Variants in ST8SIA5 observed in about 807,000 individuals in gnomAD.
ST8SIA5 encodes the protein alpha-2,8-sialyltransferase 8E.
ST8SIA5 carries 24 observed loss-of-function variants against 40.2 expected under a neutral mutation model. The observed-to-expected ratio is 0.60, with a 90% CI of 0.43 to 0.84. ST8SIA5 has a LOEUF of 0.84. Among genes scored for constraint, ST8SIA5 ranks in the 40% least tolerant of loss-of-function variants. ST8SIA5 has a pLI of 0.00. For missense variants in ST8SIA5, 465 were observed against 498.5 expected (o/e 0.93, Z 0.64); for synonymous variants, 198 against 201.8 (o/e 0.98, Z 0.16).
intron 1 of ST8SIA5, among the ~76,000 whole-genome samples, chr18:46,711,933 C>A (rs909153887): frequency 1.3e-5 from 2 of 152,160 alleles, no homozygotes; most frequent in Non-Finnish European, 2.9e-5. Flanking sequence ...TGCTAAAAAG[C>A]CTGATGTTCT....
At chr18:46,722,748 C>T (rs2039875887) in intron 1 of ST8SIA5, among the ~76,000 whole-genome samples, 1 of 152,200 alleles carries the variant, frequency 6.6e-6, no homozygotes, top group South Asian at 2.1e-4. Context: ...AAAAATGTCT[C>T]CAGACATTGC....
At chr18:46,697,047 CA>C (rs1388793381) in intron 2 of ST8SIA5, among the ~76,000 whole-genome samples, 4 of 147,330 alleles carry the variant, frequency 2.7e-5, no homozygotes, top group Non-Finnish European at 1.5e-5. Context: ...CCTACCCCAC[CA>C]AAAACCATGG....
At chr18:46,704,532 C>A in intron 2 of ST8SIA5, 40 bp downstream of exon 2, 30 of 1,555,598 alleles carry the variant, frequency 1.9e-5, no homozygotes, top group Non-Finnish European at 2.4e-5. Flanking sequence ...TGCCCCACCT[C>A]CACATGCTCC....
chr18:46,728,293 G>C (rs1272753892), intron 1 of ST8SIA5, among the ~76,000 whole-genome samples: 2 of 152,118 alleles, frequency 1.3e-5, no homozygotes. Context: ...CAAAGTTACA[G>C]AATTTCTGGC....
rs866915531 is a variant in ST8SIA5 at position 46,674,502 on chromosome 18, C to G, written c.*5540G>C. The G allele has an allele frequency of 6.6e-6, 1 of 152,200 alleles. No homozygotes were observed. The highest frequency in any genetic ancestry group is 6.5e-5 in the Admixed American group (1 of 15,278). The allele number at this position is 152,200 out of a possible 1,614,324, so 9.4% of individuals were successfully genotyped here. ...CCCAAGGTGTTACTCAGTTTATTAG[C>G]GGGGTATCCTGAACTGCTGGAGTCC... is the stretch of plus-strand genomic sequence containing the variant. On this transcript the variant is annotated 3_prime_UTR_variant, in exon 7 of 7. Transcript: ENST00000315087.
intron 2 of ST8SIA5, among the ~76,000 whole-genome samples, chr18:46,699,048 T>C (rs2039584989): frequency 1.3e-5 from 2 of 152,174 alleles, no homozygotes; most frequent in South Asian, 4.1e-4. Flanking sequence ...AGAGTTAATC[T>C]CTAGAAAAAG....
At chr18:46,685,363 C>T (rs545449150) in intron 5 of ST8SIA5, among the ~76,000 whole-genome samples, 1 of 152,284 alleles carries the variant, frequency 6.6e-6, no homozygotes, top group African/African-American at 2.4e-5. Context: ...CTCGACTAGG[C>T]GTCCACAGGG....
intron 1 of ST8SIA5, among the ~76,000 whole-genome samples, chr18:46,743,992 T>C (rs1022866337): frequency 1.3e-5 from 2 of 152,170 alleles, no homozygotes; most frequent in African/African-American, 4.8e-5. Context: ...AGAAATAAAA[T>C]CTTTTACAGA....
chr18:46,671,190 G>A lies in ST8SIA5; in HGVS notation c.*8852C>T, dbSNP rs897266900. The A allele has an allele frequency of 1.1e-4, 16 of 152,104 alleles. No individual in the cohort carries two copies. Among genetic ancestry groups the A allele is most frequent in the Admixed American group, 4.6e-4 (7 of 15,274 alleles). 9.4% of individuals were successfully genotyped at this position (152,104 alleles called of 1,614,324 possible). A position where few individuals can be genotyped will look rare whatever the true frequency, so the allele number is the denominator to read the frequency against. ...TCCAGAGGCTCTTGTCAACTTTGTC[G>A]CTGAATGTGGAATTCTGAGCTCTCA... On this transcript the variant is annotated 3_prime_UTR_variant, in exon 7 of 7. Transcript: ENST00000315087.
Position 46,725,972 on chromosome 18 carries a change from A to AAATATAT in ST8SIA5, c.132-21309_132-21308insATATATT, listed in dbSNP as rs59660372. On this transcript the variant is annotated intron_variant, in intron 1 of 6. Transcript: ENST00000315087. ...CCCATCTCTACTTAAAAAAAAAAAA[A>AAATATAT]ATATATATATATATATATATATATA... Among the ~76,000 whole-genome samples, 44 of 29,052 alleles carry AAATATAT rather than the reference A, an allele frequency of 1.5e-3. 1 individual carries two copies. Among genetic ancestry groups the AAATATAT allele is most frequent in the East Asian group, 7.5e-3 (7 of 934 alleles). The allele number at this position is 29,052 out of a possible 152,430, so 19.1% of individuals were successfully genotyped here. A position where few individuals can be genotyped will look rare whatever the true frequency, so the allele number is the denominator to read the frequency against.
intron 1 of ST8SIA5, among the ~76,000 whole-genome samples, chr18:46,733,856 A>G (rs2040008554): frequency 6.6e-6 from 1 of 152,138 alleles, no homozygotes; most frequent in Admixed American, 6.5e-5. Flanking sequence ...CATGGAAGAA[A>G]GGAACACTGC....
intron 1 of ST8SIA5, among the ~76,000 whole-genome samples, chr18:46,726,740 A>C (rs1002897978): frequency 2.8e-4 from 42 of 152,060 alleles, no homozygotes; most frequent in African/African-American, 9.2e-4. Flanking sequence ...AAGATGGTGG[A>C]TCCCCATCTC....
chr18:46,680,388 T>C lies in ST8SIA5; in HGVS notation c.785A>G (p.Lys262Arg), dbSNP rs142874304. The C allele has an allele frequency of 6.2e-6, 10 of 1,613,878 alleles. No homozygotes were observed. The highest frequency in any genetic ancestry group is 7.6e-6 in the Non-Finnish European group (9 of 1,179,936). Residue 262 changes from lysine to arginine, a missense_variant, in exon 7 of 7, where the codon AAG becomes AGG. Transcript: ENST00000315087. ...TRNTDVSIRVKYVLDDFESPQ... is the reference protein window; with the variant it reads ...TRNTDVSIRVRYVLDDFESPQ... Reference sequence around the variant, plus strand: ...CGATTCGAAGTCGTCCAGCACGTACTTGACGCGGATGGACACGTCGGTGTT... The same window carrying C: ...CGATTCGAAGTCGTCCAGCACGTACCTGACGCGGATGGACACGTCGGTGTT...
chr18:46,681,905 C>T lies in ST8SIA5; in HGVS notation c.662+67G>A, dbSNP rs948726588. ...TCCAGACTAACAACACTTCCAGTGC[C>T]CAGTAGCCGCATGTGACTATTGGCT... On this transcript the variant is annotated intron_variant, in intron 6 of 6. Transcript: ENST00000315087. 5 of 1,519,762 alleles carry T rather than the reference C, an allele frequency of 3.3e-6. No individual in the cohort carries two copies. In the African/African-American group the frequency reaches 5.5e-5, roughly 17 times the overall value. The allele number at this position is 1,519,762 out of a possible 1,614,324, so 94.1% of individuals were successfully genotyped here.
At chr18:46,755,956 G>C (rs867389898) in intron 1 of ST8SIA5, among the ~76,000 whole-genome samples, 4 of 151,052 alleles carry the variant, frequency 2.6e-5, no homozygotes, top group Admixed American at 6.6e-5. Flanking sequence ...TTCAGGACTC[G>C]CGAGGTTATA....
chr18:46,737,894 C>G (rs1040170076), intron 1 of ST8SIA5, among the ~76,000 whole-genome samples: 6 of 152,066 alleles, frequency 3.9e-5, no homozygotes, highest in African/African-American at 1.4e-4. Flanking sequence ...CCTCAGCCTC[C>G]TGAGGAGCTG....
rs1384376638 is a variant in ST8SIA5 at position 46,680,237 on chromosome 18, G to A, written c.936C>T (p.Leu312=). 1 of 1,614,118 alleles carries A rather than the reference G, an allele frequency of 6.2e-7. No homozygotes were observed. Among genetic ancestry groups the A allele is most frequent in the East Asian group, 2.2e-5 (1 of 44,902 alleles). Residue 312 remains leucine, a synonymous_variant, in exon 7 of 7, where the codon CTC becomes CTT. Transcript: ENST00000315087. ...GLILVTAALE[L]CEEVHLFGFW... is the part of the protein sequence containing the mutation. ...AGCCAAAGAGGTGCACCTCCTCACA[G>A]AGCTCCAGCGCCGCAGTGACCAGAA...
At chr18:46,724,352 C>T (rs1261248263) in intron 1 of ST8SIA5, among the ~76,000 whole-genome samples, 3 of 152,252 alleles carry the variant, frequency 2.0e-5, no homozygotes, top group African/African-American at 7.2e-5. Flanking sequence ...ACCCTGTTCT[C>T]ATACTCTCCA....
intron 1 of ST8SIA5, among the ~76,000 whole-genome samples, chr18:46,741,392 T>C (rs910972987): frequency 1.3e-5 from 2 of 152,212 alleles, no homozygotes; most frequent in African/African-American, 4.8e-5. Context: ...AATGGATTAG[T>C]AAAGTTTTCC....
Sources: gnomAD v4.1 joint callset for allele counts (sites outside exome capture counted in the v4.1 genomes callset) on GRCh38, gnomAD v4.1.1 for gene constraint, MANE v1.5 for transcripts, NCBI Gene and HGNC (gene_info 2026-07-23, HGNC 2026-07-21) for gene names.